Variants in SPDYE3 observed in about 807,000 individuals in gnomAD.
SPDYE3 encodes the protein speedy protein E3.
In SPDYE3, 15 loss-of-function variants were observed where a neutral mutation model predicts 55.0. That is an observed-to-expected ratio of 0.27 (90% CI 0.18 to 0.42). SPDYE3 has a LOEUF of 0.42. Ranked by LOEUF, SPDYE3 falls within the 10% of genes least tolerant of loss-of-function variation. The pLI is 1.00. For missense variants in SPDYE3, 236 were observed against 576.7 expected (o/e 0.41, Z 6.05); for synonymous variants, 89 against 229.9 (o/e 0.39, Z 5.55).
In SPDYE3 at chr7:100,307,909, C is replaced by T; in HGVS notation, c.24C>T (p.Pro8=). Residue 8 remains proline, a synonymous_variant, in exon 1 of 11, where the codon CCC becomes CCT. Transcript: ENST00000332397. MTSHQPQ[P]QEEQSPQRST... ...TCATGACGAGCCATCAACCGCAGCCCCAGGAAGAGCAGAGCCCCCAGCGGA... is the reference window on the plus strand; with the variant it reads ...TCATGACGAGCCATCAACCGCAGCCTCAGGAAGAGCAGAGCCCCCAGCGGA... 6.9e-6 allele frequency: 11 copies of T among 1,585,656 alleles called. No individual in the cohort carries two copies. Among genetic ancestry groups the T allele is most frequent in the Non-Finnish European group, 9.4e-6 (11 of 1,174,226 alleles).
intron 3 of SPDYE3, among the ~76,000 whole-genome samples, chr7:100,311,075 C>G (rs1327321679): frequency 1.2e-4 from 8 of 68,586 alleles, no homozygotes; most frequent in Non-Finnish European, 2.3e-4. Flanking sequence ...CTACTGCACT[C>G]CAGTCTGGGT....
At chr7:100,316,927 T>C (rs1189076405) in intron 7 of SPDYE3, 143 bp from the exon 8 acceptor site, 10 of 1,144,780 alleles carry the variant, frequency 8.7e-6, no homozygotes, top group Non-Finnish European at 1.3e-5. Flanking sequence ...CACCCCGCAA[T>C]TTCCACATGA....
chr7:100,309,720 C>CA (rs543681985), intron 2 of SPDYE3, among the ~76,000 whole-genome samples: 5,857 of 46,608 alleles, frequency 0.13, 197 homozygotes, highest in African/African-American at 0.18. Flanking sequence ...GACGCTGTCT[C>CA]AAAAAAAAAA....
At chr7:100,316,782 A>C (rs1413698729) in intron 7 of SPDYE3, among the ~76,000 whole-genome samples, 1 of 152,036 alleles carries the variant, frequency 6.6e-6, no homozygotes, top group African/African-American at 2.4e-5. Flanking sequence ...CCTGGCACAC[A>C]AAAGACCCTC....
chr7:100,317,181 A>G (rs555099583), intron 8 of SPDYE3, 26 bp downstream of exon 8: 60 of 1,611,084 alleles, frequency 3.7e-5, no homozygotes, highest in Admixed American at 2.0e-4. Context: ...CCTCCTATCC[A>G]TCAATATCCA....
At position 100,319,625 on chromosome 7, in the gene SPDYE3, C is replaced by G. The variant is rs370768793; in HGVS notation, c.1407C>G (p.Phe469Leu). Residue 469 changes from phenylalanine to leucine, a missense_variant, in exon 9 of 11, where the codon TTC becomes TTG. By Grantham distance (22) the Phe-to-Leu change is conservative. Transcript: ENST00000332397. ...DEAPKQKIFY[F>L]LYGKTHSHIP... The stretch of plus-strand genomic sequence containing the variant: ...CCCCCAAACAAAAGATCTTCTACTT[C>G]CTGTACGGGAAGACCCACTCTCACA... 1.3e-5 allele frequency: 21 copies of G among 1,614,240 alleles called. No individual in the cohort carries two copies. In the African/African-American group the frequency reaches 2.7e-4, roughly 20 times the overall value.
rs1805855920 is a variant in SPDYE3, at chr7:100,307,784, A to T, written c.-102A>T. The T allele has an allele frequency of 6.2e-5, 89 of 1,439,134 alleles. No individual in the cohort carries two copies. Among genetic ancestry groups the T allele is most frequent in the Non-Finnish European group, 8.0e-5 (87 of 1,089,380 alleles). 89.1% of individuals were successfully genotyped at this position (1,439,134 alleles called of 1,614,324 possible). A position where few individuals can be genotyped will look rare whatever the true frequency, so the allele number is the denominator to read the frequency against. On this transcript the variant is annotated 5_prime_UTR_variant, in exon 1 of 11. Transcript: ENST00000332397. The stretch of plus-strand genomic sequence containing the variant: ...ACTCCTGACTTCTCCCAGCCTCGAG[A>T]ATTGATAACACACTCTTCTGGATCC...
intron 3 of SPDYE3, among the ~76,000 whole-genome samples, chr7:100,311,276 G>A (rs1203733978): frequency 1.1e-3 from 107 of 99,172 alleles, no homozygotes; most frequent in African/African-American, 4.3e-3. Context: ...CGTGAGGCCA[G>A]GAGTTTGAGA....
At chr7:100,309,478 T>C (rs1192655027) in intron 2 of SPDYE3, among the ~76,000 whole-genome samples, 4 of 137,416 alleles carry the variant, frequency 2.9e-5, no homozygotes, top group South Asian at 4.6e-4. Flanking sequence ...GAGGATTGCT[T>C]GAACTCAGGA....
Position 100,315,857 on chromosome 7 carries a change from C to T in SPDYE3, c.1260+14C>T. On this transcript the variant is annotated intron_variant, in intron 7 of 10. Transcript: ENST00000332397. ...GTGTCAGACAAGGTAAGGTTGTTCT[C>T]TATGTAACTGTGTTCCTGTTCTAAC... 1 of 1,599,828 alleles carries T rather than the reference C, an allele frequency of 6.3e-7. No individual in the cohort carries two copies. The highest frequency in any genetic ancestry group is 1.1e-5 in the South Asian group (1 of 90,996).
chr7:100,312,394 G>C (rs1386169444), intron 4 of SPDYE3, among the ~76,000 whole-genome samples: 1 of 146,964 alleles, frequency 6.8e-6, no homozygotes, highest in Non-Finnish European at 1.5e-5. Context: ...CTACTCGGGA[G>C]GCTGAGACAG....
chr7:100,309,699 TGA>T (rs1805914491), intron 2 of SPDYE3, among the ~76,000 whole-genome samples: 1 of 99,178 alleles, frequency 1.0e-5, no homozygotes, highest in Non-Finnish European at 2.0e-5. Context: ...CCAGTCTGGG[TGA>T]GAGAGTGAGA....
chr7:100,319,211 T>C (rs1789514926), intron 8 of SPDYE3, among the ~76,000 whole-genome samples: 1 of 152,058 alleles, frequency 6.6e-6, no homozygotes, highest in Non-Finnish European at 1.5e-5. Context: ...ACGTCTGGCG[T>C]ATTTTTTATA....
chr7:100,315,087 C>T (rs1584999127), intron 6 of SPDYE3, among the ~76,000 whole-genome samples: 1 of 150,918 alleles, frequency 6.6e-6, no homozygotes, highest in African/African-American at 2.4e-5. Context: ...CACTGCACTC[C>T]AGCCTGGGTG....
chr7:100,321,063 G>A lies in SPDYE3; in HGVS notation c.*218G>A, dbSNP rs201574263. On this transcript the variant is annotated 3_prime_UTR_variant, in exon 11 of 11. Coordinates refer to ENST00000332397, the MANE Select transcript of SPDYE3 (RefSeq NM_001004351.5). The stretch of plus-strand genomic sequence containing the variant: ...CGTTGTCCTCCAAGGAGCAGGGGTG[G>A]GGTGGGGTACTTCTAGGAGTCCTTG... 3.1e-3 allele frequency: 2,952 copies of A among 945,580 alleles called. 7 individuals carry two copies. Among genetic ancestry groups the A allele is most frequent in the Non-Finnish European group, 4.1e-3 (2,664 of 651,536 alleles). The allele number at this position is 945,580 out of a possible 1,614,324, so 58.6% of individuals were successfully genotyped here.
At chr7:100,312,385 T>C (rs1805983434) in intron 4 of SPDYE3, among the ~76,000 whole-genome samples, 1 of 146,640 alleles carries the variant, frequency 6.8e-6, no homozygotes, top group African/African-American at 2.6e-5. Context: ...TAGTTCCAGC[T>C]ACTCGGGAGG....
At chr7:100,316,122 C>T (rs1375732462) in intron 7 of SPDYE3, among the ~76,000 whole-genome samples, 1 of 152,172 alleles carries the variant, frequency 6.6e-6, no homozygotes, top group South Asian at 2.1e-4. Flanking sequence ...AAACGTGAAC[C>T]ACCACGCCTG....
At position 100,317,152 on chromosome 7, in the gene SPDYE3, C is replaced by G. The variant is rs1382732399; in HGVS notation, c.1343C>G (p.Ala448Gly). Residue 448 changes from alanine to glycine, a missense_variant, in exon 8 of 11, where the codon GCT (alanine) becomes GGT (glycine). Coordinates refer to ENST00000332397, the MANE Select transcript of SPDYE3 (RefSeq NM_001004351.5). ...WQYQRIHFFL[A>G]LYLANDMEED... ...TACCAACGCATTCATTTCTTCCTGG[C>G]TCTGTGAGTGGTTTGCTGCCTCCTA... 2 of 1,611,866 alleles carry G rather than the reference C, an allele frequency of 1.2e-6. No homozygotes were observed. Among genetic ancestry groups the G allele is most frequent in the Admixed American group, 3.3e-5 (2 of 60,006 alleles).
chr7:100,319,693 T>G lies in SPDYE3; in HGVS notation c.1475T>G (p.Met492Arg), dbSNP rs201228230. 2 of 1,614,214 alleles carry G rather than the reference T, an allele frequency of 1.2e-6. No homozygotes were observed. The highest frequency in any genetic ancestry group is 1.7e-5 in the Admixed American group (1 of 60,018). Residue 492 changes from methionine to arginine, a missense_variant, in exon 9 of 11, where the codon ATG becomes AGG. Met to Arg is a moderately conservative substitution (Grantham distance 91). Coordinates refer to ENST00000332397, the MANE Select transcript of SPDYE3 (RefSeq NM_001004351.5). ...PKHWFQLCRP[M>R]NPRARKNCSQ... ...CATTGGTTCCAGTTATGCCGTCCCA[T>G]GAACCCGAGGGCCAGGAAGAACTGC... is the stretch of plus-strand genomic sequence containing the variant.
Sources: allele counts gnomAD v4.1 joint callset (sites outside exome capture counted in the v4.1 genomes callset), GRCh38; gene constraint gnomAD v4.1.1; transcripts MANE v1.5; gene names NCBI Gene and HGNC (gene_info 2026-07-23, HGNC 2026-07-21).